Variants in CPLANE1 observed in about 807,000 individuals in gnomAD.
The protein encoded by CPLANE1 is ciliogenesis and planar polarity effector 1.
CPLANE1 carries 263 observed loss-of-function variants against 362.5 expected under a neutral mutation model. The observed-to-expected ratio is 0.73, with a 90% confidence interval of 0.66 to 0.80. The LOEUF is 0.80. Ranked by LOEUF, CPLANE1 falls within the 30% of genes least tolerant of loss-of-function variation. CPLANE1 has a pLI of 0.00. For synonymous variants in CPLANE1, 1,212 were observed against 1,302.6 expected (o/e 0.93, Z 1.50); for missense variants, 3,461 against 3,793.4 (o/e 0.91, Z 2.30).
intron 51 of CPLANE1, among the ~76,000 whole-genome samples, chr5:37,114,225 C>A (rs538587565): frequency 4.6e-5 from 7 of 152,300 alleles, no homozygotes; most frequent in Middle Eastern, 3.4e-3. Context: ...TGAGATAATG[C>A]ACATGAGGTG....
chr5:37,247,884 G>A lies in CPLANE1; in HGVS notation c.-47-139C>T, dbSNP rs1363534582. 6.3e-5 allele frequency: 31 copies of A among 489,736 alleles called. No homozygotes were observed. In the East Asian group the frequency reaches 1.2e-3, roughly 18 times the overall value. The allele number at this position is 489,736 out of a possible 1,614,324, so 30.3% of individuals were successfully genotyped here. A position where few individuals can be genotyped will look rare whatever the true frequency, so the allele number is the denominator to read the frequency against. On this transcript the variant is annotated intron_variant, in intron 1 of 52. Coordinates refer to ENST00000651892, the MANE Select transcript of CPLANE1 (RefSeq NM_001384732.1). ...ATGATCTCAGCTCACTGCAACCTCCGCCTCCCGGATTCAAGTGATTCTCCT... is the reference window on the plus strand; with the variant it reads ...ATGATCTCAGCTCACTGCAACCTCCACCTCCCGGATTCAAGTGATTCTCCT...
At chr5:37,207,643 T>C (rs976439363) in intron 16 of CPLANE1, among the ~76,000 whole-genome samples, 5 of 152,176 alleles carry the variant, frequency 3.3e-5, no homozygotes, top group East Asian at 1.9e-4. Context: ...TTTGAACACA[T>C]AGTTCAAAAT....
chr5:37,226,962 C>G lies in CPLANE1; in HGVS notation c.1633G>C (p.Glu545Gln). 6.4e-7 allele frequency: 1 copy of G among 1,551,884 alleles called. No homozygotes were observed. The highest frequency in any genetic ancestry group is 8.7e-7 in the Non-Finnish European group (1 of 1,146,970). Residue 545 changes from glutamate (E) to glutamine (Q), a missense_variant, in exon 12 of 53, where the codon GAA becomes CAA. Physicochemically the swap from Glu to Gln is conservative, Grantham distance 29 (BLOSUM62 2). This residue lies in a region of CPLANE1 where 3,380 missense variants were observed against 3,666.1 expected (regional missense o/e 0.92). Transcript: ENST00000651892. ...ATCGTATCAAACATAGATGCAAATTCCAATCTTCCTTCCTTCATACTACTA... is the reference window on the plus strand; with the variant it reads ...ATCGTATCAAACATAGATGCAAATTGCAATCTTCCTTCCTTCATACTACTA... ...LCSSMKEGRL[E>Q]FASMFDTIHA...
chr5:37,080,805 A>G, the CPLANE1 span, among the ~76,000 whole-genome samples: 4 of 152,186 alleles, frequency 2.6e-5, no homozygotes, highest in Admixed American at 2.0e-4. Context: ...CCCTAGAGTA[A>G]GGCCCACAAA....
intron 47 of CPLANE1, 31 bp from the exon 48 acceptor site, chr5:37,122,519 T>C (rs757462684): frequency 1.9e-6 from 3 of 1,540,670 alleles, no homozygotes; most frequent in South Asian, 2.3e-5. Flanking sequence ...TGGTTCATTA[T>C]TGTTCAATCC....
At chr5:37,168,183 TTATAA>T (rs1778811820) in intron 34 of CPLANE1, among the ~76,000 whole-genome samples, 1 of 151,728 alleles carries the variant, frequency 6.6e-6, no homozygotes, top group Non-Finnish European at 1.5e-5. Context: ...CTTGGTGGGT[TTATAA>T]AACTACCATT....
chr5:37,110,612 T>C (rs1036699117), intron 51 of CPLANE1, among the ~76,000 whole-genome samples: 5 of 152,144 alleles, frequency 3.3e-5, no homozygotes, highest in African/African-American at 7.2e-5. Flanking sequence ...GTGTTGTTCA[T>C]GAGTAACAGT....
chr5:37,086,326 A>G, the CPLANE1 span, among the ~76,000 whole-genome samples: 252 of 152,368 alleles, frequency 1.7e-3, no homozygotes, highest in African/African-American at 5.5e-3. Flanking sequence ...CAATAAATTT[A>G]AGAAAATTGA....
At chr5:37,164,455 A>C in intron 36 of CPLANE1, 128 bp from the exon 37 acceptor site, 1 of 639,344 alleles carries the variant, frequency 1.6e-6, no homozygotes, top group Non-Finnish European at 2.8e-6. Flanking sequence ...TCTAGACATA[A>C]GTATTCTATC....
the CPLANE1 span, among the ~76,000 whole-genome samples, chr5:37,080,227 T>C: frequency 6.6e-6 from 1 of 152,166 alleles, no homozygotes; most frequent in African/African-American, 2.4e-5. Context: ...TCACCCCCAA[T>C]AGAGGGAAAG....
At chr5:37,085,451 A>C in the CPLANE1 span, 1 of 875,176 alleles carries the variant, frequency 1.1e-6, no homozygotes, top group Non-Finnish European at 2.0e-6. Context: ...TTGTGGGCAC[A>C]AAAGGAATCC....
intron 16 of CPLANE1, chr5:37,211,643 C>A: frequency 1.2e-6 from 1 of 814,250 alleles, no homozygotes; most frequent in South Asian, 1.3e-5. Context: ...GCAGATCACA[C>A]ATTGCTTCCC....
rs772486105 is a variant in CPLANE1 at position 37,121,881 on chromosome 5, G to GT, written c.9018-98dup. 0.21 allele frequency: 145,570 copies of GT among 707,884 alleles called. 8 individuals are homozygous for GT. The highest frequency in any genetic ancestry group is 0.25 in the South Asian group (11,273 of 44,554). 43.9% of individuals were successfully genotyped at this position (707,884 alleles called of 1,614,324 possible). A position where few individuals can be genotyped will look rare whatever the true frequency, so the allele number is the denominator to read the frequency against. On this transcript the variant is annotated intron_variant, in intron 48 of 52. Coordinates refer to ENST00000651892, the MANE Select transcript of CPLANE1 (RefSeq NM_001384732.1). ...TTTGAAGATCACCTAGCATGTTCTGGTTTTTTTTTTTTTTTGAGACGGAGT... is the reference window on the plus strand; with the variant it reads ...TTTGAAGATCACCTAGCATGTTCTGGTTTTTTTTTTTTTTTTGAGACGGAGT...
the CPLANE1 span, among the ~76,000 whole-genome samples, chr5:37,097,525 C>T: frequency 6.6e-6 from 1 of 152,246 alleles, no homozygotes; most frequent in South Asian, 2.1e-4. Flanking sequence ...GAAGCTCAGA[C>T]ACCCACAAAT....
the CPLANE1 span, chr5:37,085,372 G>T: frequency 3.0e-6 from 4 of 1,349,680 alleles, no homozygotes; most frequent in Middle Eastern, 4.1e-4. Context: ...GACACCAAGG[G>T]TCGCTTTGCT....
Position 37,142,440 on chromosome 5 carries a change from G to A in CPLANE1, c.8502C>T (p.Asp2834=). ...ATTCAGGTTCTGAAGTCTCCTTTTT[G>A]TCACTTTGATCTTCTTCATCCATAT... The part of the protein sequence containing the change: ...LTHMDEEDQS[D]KKETSEPEFS... The change falls in exon 44 of 53, where the codon GAC becomes GAT. Residue 2834 remains aspartate, a synonymous_variant. Transcript: ENST00000651892. The A allele has an allele frequency of 6.2e-7, 1 of 1,606,276 alleles. No homozygotes were observed.
At chr5:37,081,012 T>A in the CPLANE1 span, among the ~76,000 whole-genome samples, 1 of 152,162 alleles carries the variant, frequency 6.6e-6, no homozygotes, top group African/African-American at 2.4e-5. Flanking sequence ...TCACCCACTA[T>A]ATAAAGAATA....
At chr5:37,237,108 G>T (rs573607273) in intron 8 of CPLANE1, among the ~76,000 whole-genome samples, 1 of 152,258 alleles carries the variant, frequency 6.6e-6, no homozygotes, top group Non-Finnish European at 1.5e-5. Flanking sequence ...CAAAGGGAAA[G>T]AAATCATTAT....
intron 16 of CPLANE1, chr5:37,210,919 C>T: frequency 1.3e-6 from 1 of 780,226 alleles, no homozygotes; most frequent in Non-Finnish European, 2.4e-6. Flanking sequence ...GAGCATACTA[C>T]ACAGTTGAAG....
Sources: allele counts gnomAD v4.1 joint callset (sites outside exome capture counted in the v4.1 genomes callset), GRCh38; gene constraint gnomAD v4.1.1; regional missense constraint gnomAD v4.1.1; transcripts MANE v1.5; gene names NCBI Gene and HGNC (gene_info 2026-07-23, HGNC 2026-07-21).